Variants in MTMR12 observed in about 807,000 individuals in gnomAD.
MTMR12 encodes the protein myotubularin related protein 12.
MTMR12 carries 33 observed loss-of-function variants against 96.7 expected under a neutral mutation model. The ratio of observed to expected loss-of-function variants is 0.34; its 90% confidence interval spans 0.26 to 0.46. The LOEUF (loss-of-function observed/expected upper bound fraction) is 0.46. Among genes scored for constraint, MTMR12 ranks in the 20% least tolerant of loss-of-function variants. The probability of loss-of-function intolerance (pLI) is 1.00; values close to 1 mark genes in which losing one functional copy is unlikely to be tolerated. For synonymous variants in MTMR12, 298 were observed against 327.2 expected (o/e 0.91, Z 0.96); for missense variants, 721 against 896.1 (o/e 0.80, Z 2.49).
rs528481417 is a variant in MTMR12, at chr5:32,289,706, C to T, written c.82-12964G>A. Reference sequence around the variant, plus strand: ...GGCCCCCAGACTCATCCTGTTATTTCCCCAGTGGCAGAATGCATAATTGGC... The same window carrying T: ...GGCCCCCAGACTCATCCTGTTATTTTCCCAGTGGCAGAATGCATAATTGGC... On this transcript the variant is annotated intron_variant, in intron 1 of 15. Transcript: ENST00000382142. Among the ~76,000 whole-genome samples the T allele has an allele frequency of 6.8e-4, 103 of 152,248 alleles. 1 individual carries two copies. The South Asian group carries it at 0.015, about 21-fold the overall frequency.
chr5:32,254,696 T>G (rs1749072736), intron 8 of MTMR12, among the ~76,000 whole-genome samples: 2 of 151,792 alleles, frequency 1.3e-5, no homozygotes, highest in African/African-American at 4.8e-5. Context: ...CACAAAAAAT[T>G]AGCTGGGCCT....
intron 7 of MTMR12, among the ~76,000 whole-genome samples, chr5:32,258,807 T>C (rs1248915210): frequency 1.3e-5 from 2 of 150,302 alleles, no homozygotes; most frequent in Admixed American, 1.3e-4. Context: ...TGGGGCCCCA[T>C]GGTTTTAAAA....
chr5:32,307,873 C>T (rs748494450), intron 1 of MTMR12, among the ~76,000 whole-genome samples: 15 of 152,252 alleles, frequency 9.9e-5, no homozygotes, highest in Non-Finnish European at 2.2e-4. Flanking sequence ...GCCACCACTG[C>T]TGAACCTATC....
chr5:32,240,659 G>A (rs555571288), intron 12 of MTMR12, among the ~76,000 whole-genome samples: 5 of 152,210 alleles, frequency 3.3e-5, no homozygotes, highest in East Asian at 1.9e-4. Context: ...GGAGTGCAGC[G>A]GCACAATCTT....
intron 13 of MTMR12, among the ~76,000 whole-genome samples, chr5:32,236,489 G>A (rs1748235032): frequency 6.6e-6 from 1 of 152,134 alleles, no homozygotes; most frequent in Non-Finnish European, 1.5e-5. Flanking sequence ...TGAAACTGCA[G>A]TAAGCCATGA....
chr5:32,300,038 G>A (rs1751080448), intron 1 of MTMR12, among the ~76,000 whole-genome samples: 1 of 152,126 alleles, frequency 6.6e-6, no homozygotes, highest in African/African-American at 2.4e-5. Context: ...TCATAAGTAG[G>A]CAGCTCCGAC....
intron 7 of MTMR12, among the ~76,000 whole-genome samples, chr5:32,257,024 C>G (rs1749165221): frequency 6.6e-6 from 1 of 152,208 alleles, no homozygotes; most frequent in Non-Finnish European, 1.5e-5. Context: ...TGGCTCACAC[C>G]TGTAATCCAG....
chr5:32,298,941 A>G (rs1751026271), intron 1 of MTMR12, among the ~76,000 whole-genome samples: 1 of 145,328 alleles, frequency 6.9e-6, no homozygotes, highest in South Asian at 2.2e-4. Flanking sequence ...CGACAGAGCG[A>G]GACTCCATCT....
chr5:32,251,884 G>A (rs530653258), intron 8 of MTMR12, among the ~76,000 whole-genome samples: 1 of 152,272 alleles, frequency 6.6e-6, no homozygotes, highest in South Asian at 2.1e-4. Context: ...CGCTGTCCTG[G>A]ATCCCACTGG....
At chr5:32,245,086 T>A (rs534557171) in intron 10 of MTMR12, among the ~76,000 whole-genome samples, 2 of 152,316 alleles carry the variant, frequency 1.3e-5, no homozygotes, top group South Asian at 4.1e-4. Flanking sequence ...TGGAGCGCAA[T>A]GTGCAATGGC....
At chr5:32,266,645 G>A (rs1429775544) in intron 6 of MTMR12, among the ~76,000 whole-genome samples, 6 of 150,298 alleles carry the variant, frequency 4.0e-5, no homozygotes, top group Non-Finnish European at 7.4e-5. Flanking sequence ...CCGAGATCCC[G>A]CCACTGCACT....
chr5:32,239,025 A>G lies in MTMR12; in HGVS notation c.1320T>C (p.His440=). The change falls in exon 13 of 16, where the codon CAT becomes CAC. Residue 440 remains histidine (H), a synonymous_variant. Coordinates refer to ENST00000382142, the MANE Select transcript of MTMR12 (RefSeq NM_001040446.3). ...GGHCFLDRCN[H]LRQNDKEEVP... is the part of the protein sequence containing the mutation. Reference sequence around the variant, plus strand: ...CCTCCTCTTTGTCGTTCTGGCGGAGATGGTTGCAGCGATCCAAGAAACAGT... The same window carrying G: ...CCTCCTCTTTGTCGTTCTGGCGGAGGTGGTTGCAGCGATCCAAGAAACAGT... 1 of 1,600,410 alleles carries G rather than the reference A, an allele frequency of 6.2e-7. No individual in the cohort carries two copies. Among genetic ancestry groups the G allele is most frequent in the South Asian group, 1.1e-5 (1 of 87,596 alleles).
chr5:32,273,567 G>T (rs1417230498), intron 3 of MTMR12, among the ~76,000 whole-genome samples: 1 of 152,162 alleles, frequency 6.6e-6, no homozygotes, highest in Admixed American at 6.5e-5. Flanking sequence ...CTGAAATACA[G>T]AAGAAAATTG....
At chr5:32,240,314 G>A (rs998622610) in intron 12 of MTMR12, among the ~76,000 whole-genome samples, 3 of 151,168 alleles carry the variant, frequency 2.0e-5, no homozygotes, top group Admixed American at 6.6e-5. Flanking sequence ...CAGAAGAATC[G>A]CTTGAACCAG....
intron 11 of MTMR12, 127 bp downstream of exon 11, chr5:32,243,394 T>C (rs1748552809): frequency 3.0e-6 from 2 of 661,012 alleles, no homozygotes; most frequent in Admixed American, 3.1e-5. Context: ...AAAATCTAGC[T>C]GTAGAACATG....
At chr5:32,234,435 A>T (rs1296324953) in intron 14 of MTMR12, among the ~76,000 whole-genome samples, 1 of 152,212 alleles carries the variant, frequency 6.6e-6, no homozygotes, top group Non-Finnish European at 1.5e-5. Flanking sequence ...AAGGGTTAAG[A>T]TGGAAGGAAA....
chr5:32,294,327 G>A (rs1345636515), intron 1 of MTMR12, among the ~76,000 whole-genome samples: 1 of 151,556 alleles, frequency 6.6e-6, no homozygotes, highest in Admixed American at 6.6e-5. Flanking sequence ...TTTAAAGACA[G>A]AGTCTCCCTC....
At chr5:32,243,244 T>C (rs563702741) in intron 11 of MTMR12, among the ~76,000 whole-genome samples, 15 of 152,302 alleles carry the variant, frequency 9.8e-5, no homozygotes, top group African/African-American at 3.6e-4. Context: ...AGGCCAGCAC[T>C]GCTGCCTCAA....
chr5:32,251,200 C>T (rs952388663), intron 8 of MTMR12, among the ~76,000 whole-genome samples: 54 of 151,382 alleles, frequency 3.6e-4, no homozygotes, highest in African/African-American at 1.3e-3. Flanking sequence ...GGACTACAGG[C>T]GCCCGCCACT....
Sources: allele counts gnomAD v4.1 joint callset (sites outside exome capture counted in the v4.1 genomes callset), GRCh38; gene constraint gnomAD v4.1.1; transcripts MANE v1.5; gene names NCBI Gene and HGNC (gene_info 2026-07-23, HGNC 2026-07-21).